The following GATB variants were observed in gnomAD, a reference collection of about 807,000 sequenced individuals.
GATB encodes glutamyl-tRNA(Gln) amidotransferase subunit B, mitochondrial.
GATB carries 39 observed loss-of-function variants against 62.3 expected under a neutral mutation model. The ratio of observed to expected loss-of-function variants is 0.63; its 90% CI spans 0.48 to 0.82. GATB has a LOEUF of 0.82. Ranked by LOEUF, GATB falls within the 40% of genes least tolerant of loss-of-function variation. The pLI, the probability that GATB is intolerant of heterozygous loss-of-function variation, is 0.00. For missense variants in GATB, 670 were observed against 684.0 expected, an observed-to-expected ratio of 0.98 and a Z score of 0.23; for synonymous variants, 276 against 258.9, an observed-to-expected ratio of 1.07 and a Z score of -0.63.
At chr4:151,688,296 C>A (rs1319347891) in intron 10 of GATB, among the ~76,000 whole-genome samples, 3 of 152,184 alleles carry the variant, frequency 2.0e-5, no homozygotes, top group Non-Finnish European at 4.4e-5. Flanking sequence ...CCCGTGCATG[C>A]TTCTGGCATG....
chr4:151,674,336 G>A (rs1159496741), intron 11 of GATB: 1 of 152,204 alleles, frequency 6.6e-6, no homozygotes, highest in Non-Finnish European at 1.5e-5. Flanking sequence ...CAGAAGCACT[G>A]GGGACCTGGA....
At chr4:151,753,877 A>G (rs1739769340) in intron 2 of GATB, among the ~76,000 whole-genome samples, 1 of 152,198 alleles carries the variant, frequency 6.6e-6, no homozygotes, top group Admixed American at 6.5e-5. Flanking sequence ...CCTTCATAGT[A>G]AAACTTTTTG....
At chr4:151,703,563 T>C (rs1037999827) in intron 8 of GATB, 7 of 475,488 alleles carry the variant, frequency 1.5e-5, no homozygotes, top group African/African-American at 1.4e-4. Context: ...TCTACAGCCA[T>C]CCTCCTAGCT....
At chr4:151,687,581 G>A (rs982636769) in intron 10 of GATB, among the ~76,000 whole-genome samples, 1 of 152,236 alleles carries the variant, frequency 6.6e-6, no homozygotes, top group African/African-American at 2.4e-5. Context: ...CTCAGACGCT[G>A]AATATTTGTG....
At chr4:151,756,286 T>C (rs950090719) in intron 2 of GATB, among the ~76,000 whole-genome samples, 4 of 152,226 alleles carry the variant, frequency 2.6e-5, no homozygotes, top group Non-Finnish European at 5.9e-5. Flanking sequence ...TTCTTATGAA[T>C]GGAGTTATAA....
At chr4:151,694,143 A>T (rs1030936614) in intron 9 of GATB, among the ~76,000 whole-genome samples, 6 of 152,212 alleles carry the variant, frequency 3.9e-5, no homozygotes, top group Non-Finnish European at 5.9e-5. Context: ...GCTGCAGCTT[A>T]AAAACAGCAA....
intron 2 of GATB, among the ~76,000 whole-genome samples, chr4:151,726,955 C>T (rs953917485): frequency 4.6e-5 from 7 of 152,172 alleles, no homozygotes; most frequent in African/African-American, 1.4e-4. Context: ...CTTACTCTGT[C>T]GTCCAGGTTG....
chr4:151,714,398 T>C (rs904258326), intron 5 of GATB, among the ~76,000 whole-genome samples: 7 of 152,200 alleles, frequency 4.6e-5, no homozygotes, highest in African/African-American at 1.7e-4. Context: ...GCTGATAAAA[T>C]GCTCACAGCA....
chr4:151,755,202 T>C (rs985686091), intron 2 of GATB, among the ~76,000 whole-genome samples: 4 of 152,222 alleles, frequency 2.6e-5, no homozygotes, highest in Admixed American at 2.0e-4. Context: ...ATTATCTCCA[T>C]TTTATAAGAA....
intron 2 of GATB, among the ~76,000 whole-genome samples, chr4:151,738,090 G>C (rs1739413602): frequency 6.6e-6 from 1 of 152,164 alleles, no homozygotes; most frequent in South Asian, 2.1e-4. Context: ...CAGAAAGGTA[G>C]ATCCACTGAC....
intron 10 of GATB, among the ~76,000 whole-genome samples, chr4:151,683,834 T>C (rs1460576512): frequency 6.6e-6 from 1 of 152,216 alleles, no homozygotes; most frequent in East Asian, 1.9e-4. Context: ...TCCTCTGCAT[T>C]TCCCACCACC....
At chr4:151,749,102 C>A (rs893663082) in intron 2 of GATB, among the ~76,000 whole-genome samples, 1 of 152,174 alleles carries the variant, frequency 6.6e-6, no homozygotes, top group Non-Finnish European at 1.5e-5. Flanking sequence ...ACAAGTGTGG[C>A]GATTCCTCAG....
chr4:151,700,799 G>A (rs1281708473), intron 9 of GATB, among the ~76,000 whole-genome samples: 4 of 152,254 alleles, frequency 2.6e-5, no homozygotes, highest in South Asian at 4.1e-4. Context: ...GTTCTCTACC[G>A]GCCCCGTCAG....
rs1738219821 is a variant in GATB at position 151,685,196 on chromosome 4, T to C, written c.1331+3434A>G. On this transcript the variant is annotated intron_variant, in intron 10 of 12. Transcript: ENST00000263985. ...CAGAAGCGCAAACACCTCATCTTCT[T>C]GGAGCTTTCCTGGACTCTTCTGGCT... 2.6e-5 allele frequency among the ~76,000 whole-genome samples: 4 copies of C among 152,354 alleles called. No homozygotes were observed. In the South Asian group the frequency reaches 8.3e-4, roughly 32 times the overall value.
intron 3 of GATB, among the ~76,000 whole-genome samples, chr4:151,717,749 C>T (rs181469048): frequency 4.6e-5 from 7 of 152,286 alleles, no homozygotes; most frequent in East Asian, 3.9e-4. Context: ...TACTTGCAAA[C>T]GCACAGAGGC....
chr4:151,729,775 C>T (rs1442207105), intron 2 of GATB, among the ~76,000 whole-genome samples: 1 of 152,122 alleles, frequency 6.6e-6, no homozygotes, highest in Non-Finnish European at 1.5e-5. Context: ...AAGCCTCCCA[C>T]ACAAAACTCA....
At chr4:151,748,019 T>C (rs999583574) in intron 2 of GATB, among the ~76,000 whole-genome samples, 2 of 152,036 alleles carry the variant, frequency 1.3e-5, no homozygotes, top group Non-Finnish European at 2.9e-5. Context: ...AAAGAGGACA[T>C]AAACAAATGG....
intron 2 of GATB, among the ~76,000 whole-genome samples, chr4:151,755,954 AAG>A (rs1350692620): frequency 6.6e-6 from 1 of 152,194 alleles, no homozygotes; most frequent in African/African-American, 2.4e-5. Flanking sequence ...TCTTGCCTAA[AAG>A]AGAGAGGGGA....
At chr4:151,690,111 A>C (rs1423769853) in intron 9 of GATB, among the ~76,000 whole-genome samples, 1 of 152,236 alleles carries the variant, frequency 6.6e-6, no homozygotes, top group Non-Finnish European at 1.5e-5. Flanking sequence ...TCATTAACCA[A>C]AAGAATTTTC....
Sources: allele counts gnomAD v4.1 joint callset (sites outside exome capture counted in the v4.1 genomes callset), GRCh38; gene constraint gnomAD v4.1.1; transcripts MANE v1.5; gene names NCBI Gene and HGNC (gene_info 2026-07-23, HGNC 2026-07-21).